The following PLCL1 variants were observed in gnomAD, a reference collection of about 807,000 sequenced individuals.
PLCL1 encodes phospholipase C like 1 (inactive), also known as inactive phospholipase C-like protein 1.
In PLCL1, 41 loss-of-function variants were observed where a neutral mutation model predicts 84.4. The ratio of observed to expected loss-of-function variants is 0.49; its 90% CI spans 0.38 to 0.63. PLCL1 has a LOEUF of 0.63. Among genes scored for constraint, PLCL1 ranks in the 30% least tolerant of loss-of-function variants. The pLI is 0.00. For synonymous variants in PLCL1, 490 were observed against 488.3 expected (o/e 1.00, Z -0.05); for missense variants, 1,206 against 1,367.8 (o/e 0.88, Z 1.87).
chr2:197,830,985 C>T (rs561255101), intron 1 of PLCL1, among the ~76,000 whole-genome samples: 2 of 152,240 alleles, frequency 1.3e-5, no homozygotes, highest in South Asian at 2.1e-4. Flanking sequence ...TTTGTCACCA[C>T]CAGGCCTGCC....
chr2:197,967,688 G>T (rs1689772353), intron 1 of PLCL1, among the ~76,000 whole-genome samples: 1 of 152,174 alleles, frequency 6.6e-6, no homozygotes, highest in South Asian at 2.1e-4. Flanking sequence ...AGTCATAAAT[G>T]AAAAGGTAAG....
intron 5 of PLCL1, among the ~76,000 whole-genome samples, chr2:198,112,751 T>A (rs549715415): frequency 6.6e-6 from 1 of 152,028 alleles, no homozygotes; most frequent in South Asian, 2.1e-4. Context: ...CCAGAAACAT[T>A]TGGTGAACGC....
rs1361629363 is a variant in PLCL1 at position 198,148,539 on chromosome 2, G to A, written c.*1577G>A. ...GAAATTATTCCCTGGGTTTAAAACT[G>A]GGCACTCGAGGAGGAGGTACCTGAA... On this transcript the variant is annotated 3_prime_UTR_variant, in exon 6 of 6. Coordinates refer to ENST00000428675, the MANE Select transcript of PLCL1 (RefSeq NM_006226.4). 6.6e-6 allele frequency: 1 copy of A among 152,272 alleles called. No individual in the cohort carries two copies. The highest frequency in any genetic ancestry group is 2.4e-5 in the African/African-American group (1 of 41,434). 9.4% of individuals were successfully genotyped at this position (152,272 alleles called of 1,614,324 possible).
At chr2:198,071,333 A>T (rs1407422814) in intron 1 of PLCL1, among the ~76,000 whole-genome samples, 1 of 151,942 alleles carries the variant, frequency 6.6e-6, no homozygotes, top group Non-Finnish European at 1.5e-5. Context: ...CATTTACTCA[A>T]GTATTTCCTT....
chr2:198,116,913 T>G (rs1194080760), intron 5 of PLCL1, among the ~76,000 whole-genome samples: 1 of 151,946 alleles, frequency 6.6e-6, no homozygotes, highest in Non-Finnish European at 1.5e-5. Flanking sequence ...CAATGGATTT[T>G]TGAGTCAGTT....
intron 1 of PLCL1, among the ~76,000 whole-genome samples, chr2:197,926,475 C>T (rs1688832491): frequency 1.3e-5 from 2 of 152,176 alleles, no homozygotes; most frequent in Admixed American, 1.3e-4. Context: ...CATTCACCAT[C>T]CCATTTTTTG....
chr2:197,952,256 C>T (rs2105783043), intron 1 of PLCL1, among the ~76,000 whole-genome samples: 1 of 152,248 alleles, frequency 6.6e-6, no homozygotes, highest in South Asian at 2.1e-4. Context: ...ATTCTCTAGA[C>T]TTTTAACTTT....
At chr2:197,923,361 C>G (rs1458197626) in intron 1 of PLCL1, among the ~76,000 whole-genome samples, 18 of 144,764 alleles carry the variant, frequency 1.2e-4, no homozygotes, top group Admixed American at 6.9e-4. Context: ...ACTTCTCAGA[C>G]GGGGCAGCTG....
At chr2:197,981,012 A>G (rs553789594) in intron 1 of PLCL1, among the ~76,000 whole-genome samples, 2 of 152,316 alleles carry the variant, frequency 1.3e-5, no homozygotes, top group South Asian at 4.1e-4. Context: ...CATTAAAAGT[A>G]ATGGCTAAAC....
chr2:198,101,583 G>C (rs766555646), intron 4 of PLCL1, among the ~76,000 whole-genome samples: 60 of 152,052 alleles, frequency 3.9e-4, no homozygotes, highest in Non-Finnish European at 5.2e-4. Flanking sequence ...CAGGGTTGGG[G>C]TGGTGTCTGA....
chr2:198,038,251 C>T (rs1485888627), intron 1 of PLCL1, among the ~76,000 whole-genome samples: 3 of 152,094 alleles, frequency 2.0e-5, no homozygotes, highest in African/African-American at 7.2e-5. Flanking sequence ...TTAAAATATT[C>T]CACATAGATT....
intron 1 of PLCL1, among the ~76,000 whole-genome samples, chr2:198,001,095 T>A (rs1045397855): frequency 6.6e-6 from 1 of 152,162 alleles, no homozygotes; most frequent in Non-Finnish European, 1.5e-5. Flanking sequence ...AGCCTCCTCA[T>A]GGGGTTGTTT....
rs1351832071 is a variant in PLCL1 at position 197,811,713 on chromosome 2, A to C, written c.240+6374A>C. ...TGTTTTTCCTTAACTATACATCTTCATATTCAAAAGTTTAAAATACCTTTG... is the reference window on the plus strand; with the variant it reads ...TGTTTTTCCTTAACTATACATCTTCCTATTCAAAAGTTTAAAATACCTTTG... On this transcript the variant is annotated intron_variant, in intron 1 of 5. Coordinates refer to ENST00000428675, the MANE Select transcript of PLCL1 (RefSeq NM_006226.4). Among the ~76,000 whole-genome samples, 3 of 152,208 alleles carry C rather than the reference A, an allele frequency of 2.0e-5. No individual in the cohort carries two copies. The East Asian group carries it at 5.8e-4, about 29-fold the overall frequency.
intron 1 of PLCL1, among the ~76,000 whole-genome samples, chr2:197,870,642 C>T (rs1687633713): frequency 6.6e-6 from 1 of 152,146 alleles, no homozygotes; most frequent in East Asian, 1.9e-4. Flanking sequence ...CAGGCTTGAA[C>T]AGAAGAGAAC....
chr2:198,126,220 C>T (rs1418133444), intron 5 of PLCL1, among the ~76,000 whole-genome samples: 1 of 152,016 alleles, frequency 6.6e-6, no homozygotes, highest in Non-Finnish European at 1.5e-5. Flanking sequence ...GTGTGCTTGC[C>T]TCTATGTCTC....
chr2:197,919,865 T>C (rs1403440199), intron 1 of PLCL1, among the ~76,000 whole-genome samples: 1 of 152,232 alleles, frequency 6.6e-6, no homozygotes, highest in Non-Finnish European at 1.5e-5. Flanking sequence ...ACTCATTGTA[T>C]TAAGTCTCTG....
chr2:198,084,053 G>A lies in PLCL1; in HGVS notation c.536G>A (p.Gly179Asp). ...AACACGGAAACATTTAGAAACAATG[G>A]CCTTGCTGACCAGATCTGTGAGGAC... ...GKNTETFRNN[G>D]LADQICEDCA... The change falls in exon 2 of 6, where the codon GGC becomes GAC. Residue 179 changes from glycine (G) to aspartate (D), a missense_variant. Transcript: ENST00000428675. 6.2e-7 allele frequency: 1 copy of A among 1,614,158 alleles called. No homozygotes were observed. Among genetic ancestry groups the A allele is most frequent in the Non-Finnish European group, 8.5e-7 (1 of 1,180,008 alleles).
chr2:198,060,079 A>G (rs921799235), intron 1 of PLCL1, among the ~76,000 whole-genome samples: 1 of 152,082 alleles, frequency 6.6e-6, no homozygotes, highest in African/African-American at 2.4e-5. Context: ...AGCTTCTGAT[A>G]CCCTACTGAA....
chr2:197,915,155 G>A (rs756835840), intron 1 of PLCL1, among the ~76,000 whole-genome samples: 36 of 152,294 alleles, frequency 2.4e-4, no homozygotes, highest in Non-Finnish European at 4.1e-4. Flanking sequence ...ACTTCCAGAT[G>A]AGATTAGAGC....
Sources: allele counts gnomAD v4.1 joint callset (sites outside exome capture counted in the v4.1 genomes callset), GRCh38; gene constraint gnomAD v4.1.1; transcripts MANE v1.5; gene names NCBI Gene and HGNC (gene_info 2026-07-23, HGNC 2026-07-21).